Variants in KCNQ1 observed in about 807,000 individuals in gnomAD.
KCNQ1 encodes the protein potassium voltage-gated channel subfamily KQT member 1.
In KCNQ1, 49 loss-of-function variants were observed where a neutral mutation model predicts 72.4. That is an observed-to-expected ratio of 0.68 (90% CI 0.54 to 0.86). The LOEUF is 0.86. KCNQ1 is among the 40% of genes least tolerant of loss of function. The pLI, the probability that KCNQ1 is intolerant of heterozygous loss-of-function variation, is 0.00. For synonymous variants in KCNQ1, 450 were observed against 412.6 expected (o/e 1.09, Z -1.10); for missense variants, 790 against 945.1 (o/e 0.84, Z 2.15).
chr11:2,505,550 T>C (rs1847090148), intron 1 of KCNQ1, among the ~76,000 whole-genome samples: 2 of 152,228 alleles, frequency 1.3e-5, no homozygotes, highest in African/African-American at 4.8e-5. Context: ...TTCTATTCAT[T>C]ATAGAGAATG....
In KCNQ1 at chr11:2,628,532, T is replaced by C. The variant is rs1015267014; in HGVS notation, c.1394-33429T>C. On this transcript the variant is annotated intron_variant, in intron 10 of 15. Coordinates refer to ENST00000155840, the MANE Select transcript of KCNQ1 (RefSeq NM_000218.3). ...TAGTTATATGAGTTCCTTATATATATTGGATATTAATAGCTTATCAGATAT... is the reference window on the plus strand; with the variant it reads ...TAGTTATATGAGTTCCTTATATATACTGGATATTAATAGCTTATCAGATAT... 4.0e-5 allele frequency: 16 copies of C among 398,366 alleles called. No homozygotes were observed. In the Admixed American group the frequency reaches 4.4e-4, roughly 11 times the overall value. 24.7% of individuals were successfully genotyped at this position (398,366 alleles called of 1,614,324 possible).
In KCNQ1 at chr11:2,645,799, T is replaced by A; in HGVS notation, c.1394-16162T>A. 2.5e-6 allele frequency: 1 copy of A among 398,416 alleles called. No homozygotes were observed. The highest frequency in any genetic ancestry group is 4.4e-6 in the Non-Finnish European group (1 of 226,102). 24.7% of individuals were successfully genotyped at this position (398,416 alleles called of 1,614,324 possible). A position where few individuals can be genotyped will look rare whatever the true frequency, so the allele number is the denominator to read the frequency against. ...CACAGCAGATGCAGTCTGGTGGGGGTTGGGCTATCAAAATGGGACTTTCCT... is the reference window on the plus strand; with the variant it reads ...CACAGCAGATGCAGTCTGGTGGGGGATGGGCTATCAAAATGGGACTTTCCT... On this transcript the variant is annotated intron_variant, in intron 10 of 15. Coordinates refer to ENST00000155840, the MANE Select transcript of KCNQ1 (RefSeq NM_000218.3). The surrounding 1 kb of genome is among the most constrained non-coding windows in gnomAD (Gnocchi z 5.8).
At position 2,693,024 on chromosome 11, in the gene KCNQ1, G is replaced by C. The variant is rs1590036398; in HGVS notation, c.1514+30943G>C. On this transcript the variant is annotated intron_variant, in intron 11 of 15. Transcript: ENST00000155840. ...AGCAAGCACGCTCAGTGAAGGAACA[G>C]GAAGTCCTTTCTGGAGCAGGGGGAG... 2.3e-5 allele frequency: 9 copies of C among 398,668 alleles called. No individual in the cohort carries two copies. The East Asian group carries it at 3.2e-4, about 14-fold the overall frequency. The allele number at this position is 398,668 out of a possible 1,614,324, so 24.7% of individuals were successfully genotyped here.
intron 10 of KCNQ1, among the ~76,000 whole-genome samples, chr11:2,604,580 C>T (rs2133781378): frequency 6.6e-6 from 1 of 151,838 alleles, no homozygotes; most frequent in East Asian, 2.0e-4. Flanking sequence ...AAGTCTTGCT[C>T]TGTCGCCAGG....
At position 2,698,806 on chromosome 11, in the gene KCNQ1, CCT is replaced by C. The variant is rs563497035; in HGVS notation, c.1514+36728_1514+36729del. 7.5e-4 allele frequency: 300 copies of C among 398,676 alleles called. No homozygotes were observed. The highest frequency in any genetic ancestry group is 1.2e-3 in the Non-Finnish European group (274 of 226,182). The allele number at this position is 398,676 out of a possible 1,614,324, so 24.7% of individuals were successfully genotyped here. A position where few individuals can be genotyped will look rare whatever the true frequency, so the allele number is the denominator to read the frequency against. ...CAGGTCCCCAACTCAGACTCCCGAT[CCT>C]CTGTCCCTAATGAGGCCCTACCTAA... On this transcript the variant is annotated intron_variant, in intron 11 of 15. Transcript: ENST00000155840. This position sits in a 1 kb window ranked among gnomAD's most constrained non-coding sequence, Gnocchi z 5.1.
chr11:2,637,148 A>C (rs554155518), intron 10 of KCNQ1: 2 of 152,036 alleles, frequency 1.3e-5, no homozygotes, highest in East Asian at 3.9e-4. Flanking sequence ...GGATTCATTG[A>C]TTTTTTGAAG....
intron 11 of KCNQ1, among the ~76,000 whole-genome samples, chr11:2,714,372 C>T (rs930275994): frequency 2.0e-5 from 3 of 151,810 alleles, no homozygotes; most frequent in African/African-American, 7.3e-5. Context: ...CTCTGGTACT[C>T]TCCTGGGTTG....
chr11:2,527,586 G>A (rs892445509), intron 1 of KCNQ1, among the ~76,000 whole-genome samples: 6 of 152,206 alleles, frequency 3.9e-5, no homozygotes, highest in African/African-American at 1.4e-4. Context: ...GCAGCCACCA[G>A]CCTGCTTTCT....
Position 2,653,838 on chromosome 11 carries a change from G to T in KCNQ1, c.1394-8123G>T. The T allele has an allele frequency of 2.5e-6, 1 of 398,630 alleles. No individual in the cohort carries two copies. Among genetic ancestry groups the T allele is most frequent in the East Asian group, 3.6e-5 (1 of 28,072 alleles). The allele number at this position is 398,630 out of a possible 1,614,324, so 24.7% of individuals were successfully genotyped here. On this transcript the variant is annotated intron_variant, in intron 10 of 15. Coordinates refer to ENST00000155840, the MANE Select transcript of KCNQ1 (RefSeq NM_000218.3). This position sits in a 1 kb window ranked among gnomAD's most constrained non-coding sequence, Gnocchi z 5.3. Reference sequence around the variant, plus strand: ...GGTCCACAGGGACCCCTTTGGGGATGGCCAGAGGGTACCTAAACACTGCAC... The same window carrying T: ...GGTCCACAGGGACCCCTTTGGGGATTGCCAGAGGGTACCTAAACACTGCAC...
chr11:2,629,992 T>C (rs909886022), intron 10 of KCNQ1: 1 of 398,432 alleles, frequency 2.5e-6, no homozygotes, highest in African/African-American at 2.1e-5. Flanking sequence ...CTTTTTCTTG[T>C]TCCTCATCTT....
rs1270053619 is a variant in KCNQ1, at chr11:2,659,873, AT to A, written c.1394-2083del. The stretch of plus-strand genomic sequence containing the variant: ...CTTTTCATGTGCTTATTTATAATCC[AT>A]TTTTAAAATTGGATTGTTCACTTTA... On this transcript the variant is annotated intron_variant, in intron 10 of 15. Coordinates refer to ENST00000155840, the MANE Select transcript of KCNQ1 (RefSeq NM_000218.3). The surrounding 1 kb of genome is among the most constrained non-coding windows in gnomAD (Gnocchi z 4.3). 1 of 398,360 alleles carries A rather than the reference AT, an allele frequency of 2.5e-6. No individual in the cohort carries two copies. The highest frequency in any genetic ancestry group is 3.6e-5 in the East Asian group (1 of 28,026). The allele number at this position is 398,360 out of a possible 1,614,324, so 24.7% of individuals were successfully genotyped here.
chr11:2,709,798 C>T (rs1024302245), intron 11 of KCNQ1, among the ~76,000 whole-genome samples: 4 of 152,184 alleles, frequency 2.6e-5, no homozygotes, highest in Non-Finnish European at 4.4e-5. Context: ...TTCATTCATG[C>T]TGTAGCATGT....
intron 12 of KCNQ1, among the ~76,000 whole-genome samples, chr11:2,773,434 TAGA>T (rs758590395): frequency 5.0e-5 from 7 of 139,424 alleles, no homozygotes; most frequent in Non-Finnish European, 9.3e-5. Flanking sequence ...TCCCATCTTA[TAGA>T]AGATACCAAC....
At chr11:2,581,711 G>A (rs1293638279) in intron 6 of KCNQ1, among the ~76,000 whole-genome samples, 4 of 152,268 alleles carry the variant, frequency 2.6e-5, no homozygotes, top group Non-Finnish European at 5.9e-5. Flanking sequence ...GCCGGGTCGT[G>A]TGTTTCCGTG....
intron 10 of KCNQ1, among the ~76,000 whole-genome samples, chr11:2,590,408 G>A (rs1398545660): frequency 2.6e-5 from 4 of 152,240 alleles, no homozygotes; most frequent in East Asian, 1.9e-4. Flanking sequence ...GTCCCAGGGC[G>A]TGGTCCCCCT....
Position 2,588,966 on chromosome 11 carries a change from A to C in KCNQ1, c.1393+112A>C. The C allele has an allele frequency of 8.0e-7, 1 of 1,257,524 alleles. No homozygotes were observed. 77.9% of individuals were successfully genotyped at this position (1,257,524 alleles called of 1,614,324 possible). ...CCTTGGGCTGTGGTCTCTGACAACG[A>C]GGTATGAACAGACAGAGGGTGGAGC... On this transcript the variant is annotated intron_variant, in intron 10 of 15. Coordinates refer to ENST00000155840, the MANE Select transcript of KCNQ1 (RefSeq NM_000218.3). This position sits in a 1 kb window ranked among gnomAD's most constrained non-coding sequence, Gnocchi z 5.6.
Position 2,550,882 on chromosome 11 carries a change from G to A in KCNQ1, c.478-19746G>A, listed in dbSNP as rs540878271. ...GGTGCCTGGGGAGGCTGCCAAGTGA[G>A]GGGGGGGCACAGACTGAGACAGGGT... On this transcript the variant is annotated intron_variant, in intron 2 of 15. Transcript: ENST00000155840. The surrounding 1 kb of genome is among the most constrained non-coding windows in gnomAD (Gnocchi z 6.0). Among the ~76,000 whole-genome samples the A allele has an allele frequency of 6.6e-6, 1 of 150,628 alleles. No homozygotes were observed. Among genetic ancestry groups the A allele is most frequent in the Non-Finnish European group, 1.5e-5 (1 of 67,530 alleles).
chr11:2,739,762 T>C (rs545243003), intron 11 of KCNQ1, among the ~76,000 whole-genome samples: 2 of 152,244 alleles, frequency 1.3e-5, no homozygotes, highest in South Asian at 4.1e-4. Flanking sequence ...TATGGTGTCC[T>C]TGCCCAGCTG....
intron 1 of KCNQ1, among the ~76,000 whole-genome samples, chr11:2,501,390 C>T (rs1162760907): frequency 6.6e-6 from 1 of 151,888 alleles, no homozygotes; most frequent in Admixed American, 6.6e-5. Flanking sequence ...TTAGTGGCTG[C>T]TATGAGCAAC....
Sources: allele counts gnomAD v4.1 joint callset (sites outside exome capture counted in the v4.1 genomes callset), GRCh38; gene constraint gnomAD v4.1.1; non-coding constraint Gnocchi (gnomAD v3.1); transcripts MANE v1.5; gene names NCBI Gene and HGNC (gene_info 2026-07-23, HGNC 2026-07-21).